Variants in NOTCH2 observed in about 807,000 individuals in gnomAD.
The protein encoded by NOTCH2 is notch receptor 2.
A neutral mutation model predicts 235.8 loss-of-function variants in NOTCH2; 29 were observed. That is an observed-to-expected ratio of 0.12 (90% confidence interval 0.09 to 0.17). The LOEUF is 0.17. Ranked by LOEUF, NOTCH2 falls within the 10% of genes least tolerant of loss-of-function variation. NOTCH2 has a pLI of 1.00. For synonymous variants in NOTCH2, 1,086 were observed against 1,141.5 expected (o/e 0.95, Z 0.98); for missense variants, 2,285 against 3,150.2 (o/e 0.73, Z 6.57).
At chr1:119,971,614 G>A (rs782468938) in intron 5 of NOTCH2, among the ~76,000 whole-genome samples, 1 of 152,106 alleles carries the variant, frequency 6.6e-6, no homozygotes, top group Non-Finnish European at 1.5e-5. Context: ...GAGCCCACAA[G>A]TTAGAGACCA....
intron 2 of NOTCH2, among the ~76,000 whole-genome samples, chr1:120,027,588 C>T (rs868945452): frequency 4.0e-5 from 6 of 151,426 alleles, no homozygotes; most frequent in Admixed American, 6.6e-5. Context: ...TTAAGCCCCA[C>T]GTGCATTAGG....
intron 17 of NOTCH2, among the ~76,000 whole-genome samples, chr1:119,943,796 T>G (rs971676056): frequency 5.3e-5 from 8 of 152,100 alleles, no homozygotes; most frequent in African/African-American, 1.9e-4. Context: ...TATGGTCAAT[T>G]ATTATCAACT....
At chr1:119,937,551 A>G in intron 20 of NOTCH2, 85 bp from the exon 21 acceptor site, 1 of 1,247,812 alleles carries the variant, frequency 8.0e-7, no homozygotes, top group Non-Finnish European at 1.1e-6. Context: ...GTAAATCTAA[A>G]CTGGCTGACA....
intron 23 of NOTCH2, among the ~76,000 whole-genome samples, chr1:119,928,403 C>T (rs587701875): frequency 3.9e-5 from 6 of 152,290 alleles, no homozygotes; most frequent in Admixed American, 2.0e-4. Flanking sequence ...CTAAGCTTCT[C>T]TGAGTCCTAG....
rs587730589 is a variant in NOTCH2 at position 119,934,270 on chromosome 1, C to T, written c.3655+1202G>A. 1.2e-4 allele frequency among the ~76,000 whole-genome samples: 18 copies of T among 152,288 alleles called. No homozygotes were observed. In the East Asian group the frequency reaches 2.5e-3, roughly 21 times the overall value. On this transcript the variant is annotated intron_variant, in intron 22 of 33. Transcript: ENST00000256646. ...TCACACCAGAGGCAGATGCTGGCAC[C>T]GTGCTTCCTGTACAGCCTATAGAAC... is the stretch of plus-strand genomic sequence containing the variant.
chr1:119,937,158 G>C, intron 21 of NOTCH2, 124 bp downstream of exon 21: 1 of 958,542 alleles, frequency 1.0e-6, no homozygotes, highest in Non-Finnish European at 1.7e-6. Context: ...ATTATGACGG[G>C]GATTGGTAAA....
intron 5 of NOTCH2, 71 bp from the exon 6 acceptor site, chr1:119,969,815 C>A (rs927090575): frequency 7.8e-7 from 1 of 1,286,492 alleles, no homozygotes; most frequent in Non-Finnish European, 1.1e-6. Flanking sequence ...CAGCCCCCCA[C>A]ACTCTTCATC....
intron 1 of NOTCH2, among the ~76,000 whole-genome samples, chr1:120,039,190 G>A (rs1654444066): frequency 6.6e-6 from 1 of 152,162 alleles, no homozygotes; most frequent in Non-Finnish European, 1.5e-5. Context: ...AGAGGAAGAA[G>A]CTGTATCATA....
intron 1 of NOTCH2, among the ~76,000 whole-genome samples, chr1:120,066,292 C>G (rs1553217064): frequency 6.7e-6 from 1 of 149,774 alleles, no homozygotes; most frequent in Admixed American, 6.6e-5. Flanking sequence ...AAAAAATGTA[C>G]TTAATCAGTG....
intron 5 of NOTCH2, among the ~76,000 whole-genome samples, chr1:119,977,037 T>C (rs782446035): frequency 6.6e-6 from 1 of 152,102 alleles, no homozygotes; most frequent in Non-Finnish European, 1.5e-5. Flanking sequence ...AGAATTATAT[T>C]GTCTATGCCT....
intron 2 of NOTCH2, among the ~76,000 whole-genome samples, chr1:120,006,378 T>C (rs1253013333): frequency 6.6e-6 from 1 of 151,426 alleles, no homozygotes; most frequent in African/African-American, 2.4e-5. Flanking sequence ...AAGAATAACA[T>C]TCTATGATAT....
chr1:120,028,441 GT>G lies in NOTCH2; in HGVS notation c.155+1464del, dbSNP rs59185424. On this transcript the variant is annotated intron_variant, in intron 2 of 33. Coordinates refer to ENST00000256646, the MANE Select transcript of NOTCH2 (RefSeq NM_024408.4). ...CCATTCTTAGAGGAGAATGCACCAC[GT>G]TTTTTTTTCCCCCAGCTAGAAAAAC... is the stretch of plus-strand genomic sequence containing the variant. 1.8e-3 allele frequency among the ~76,000 whole-genome samples: 279 copies of G among 151,528 alleles called. 2 individuals carry two copies. Among genetic ancestry groups the G allele is most frequent in the Non-Finnish European group, 3.2e-3 (214 of 67,870 alleles).
At chr1:119,925,249 A>C in intron 25 of NOTCH2, 56 bp downstream of exon 25, 2 of 1,609,568 alleles carry the variant, frequency 1.2e-6, no homozygotes, top group Non-Finnish European at 1.7e-6. Flanking sequence ...AAGAACGAGA[A>C]ACTGAAGTGT....
rs942960219 is a variant in NOTCH2, at chr1:119,913,841, G to A, written c.*1465C>T. On this transcript the variant is annotated 3_prime_UTR_variant, in exon 34 of 34. Coordinates refer to ENST00000256646, the MANE Select transcript of NOTCH2 (RefSeq NM_024408.4). ...GAAATGGTAGCAGAAAATAGCAAAG[G>A]CTGCTATATAGTTCCTCCTTTTCCA... 4 of 232,994 alleles carry A rather than the reference G, an allele frequency of 1.7e-5. No homozygotes were observed. Among genetic ancestry groups the A allele is most frequent in the Admixed American group, 5.6e-5 (1 of 17,776 alleles). 14.4% of individuals were successfully genotyped at this position (232,994 alleles called of 1,614,324 possible).
chr1:120,010,194 TCA>T (rs1208007510), intron 2 of NOTCH2, among the ~76,000 whole-genome samples: 5 of 151,982 alleles, frequency 3.3e-5, no homozygotes, highest in East Asian at 1.9e-4. Flanking sequence ...TCATTCGTGT[TCA>T]CAGTTTCCTT....
At chr1:119,927,949 T>C (rs1465997108) in intron 23 of NOTCH2, among the ~76,000 whole-genome samples, 1 of 152,210 alleles carries the variant, frequency 6.6e-6, no homozygotes, top group African/African-American at 2.4e-5. Context: ...GCTCAGGATG[T>C]AGCAGAGTTC....
chr1:119,928,887 C>T, intron 23 of NOTCH2, 89 bp downstream of exon 23: 1 of 1,101,908 alleles, frequency 9.1e-7, no homozygotes, highest in Non-Finnish European at 1.4e-6. Context: ...AAAAGCTTCA[C>T]TTGGGTCTGG....
chr1:119,970,614 T>C (rs1215250707), intron 5 of NOTCH2, among the ~76,000 whole-genome samples: 5 of 152,176 alleles, frequency 3.3e-5, no homozygotes, highest in Admixed American at 2.6e-4. Flanking sequence ...GTCACCACTA[T>C]AGCAACAATG....
Position 120,069,375 on chromosome 1 carries a change from G to A in NOTCH2, c.32C>T (p.Ala11Val), listed in dbSNP as rs782442735. Reference protein sequence around the residue: MPALRPALLWALLALWLCCAA... With the variant: MPALRPALLWVLLALWLCCAA... ...GCAGCACAGCCAGAGCGCCAGCAGCGCCCACAGCAGAGCGGGGCGCAGGGC... is the reference window on the plus strand; with the variant it reads ...GCAGCACAGCCAGAGCGCCAGCAGCACCCACAGCAGAGCGGGGCGCAGGGC... The change falls in exon 1 of 34, where the codon GCG (alanine) becomes GTG (valine). Residue 11 changes from alanine to valine, a missense_variant. Transcript: ENST00000256646. The A allele has an allele frequency of 6.4e-7, 1 of 1,568,364 alleles. No individual in the cohort carries two copies. Among genetic ancestry groups the A allele is most frequent in the South Asian group, 1.1e-5 (1 of 87,286 alleles).
Sources: gnomAD v4.1 joint callset for allele counts (sites outside exome capture counted in the v4.1 genomes callset) on GRCh38, gnomAD v4.1.1 for gene constraint, MANE v1.5 for transcripts, NCBI Gene and HGNC (gene_info 2026-07-23, HGNC 2026-07-21) for gene names.